The following KCND2 variants were observed in gnomAD, a reference collection of about 807,000 sequenced individuals.
The protein encoded by KCND2 is potassium voltage-gated channel subfamily D member 2, also known as A-type voltage-gated potassium channel KCND2.
A neutral mutation model predicts 54.4 loss-of-function variants in KCND2; 16 were observed. The ratio of observed to expected loss-of-function variants is 0.29; its 90% CI spans 0.20 to 0.45. The LOEUF is 0.45. Among genes scored for constraint, KCND2 ranks in the 20% least tolerant of loss-of-function variants. The pLI is 1.00. For synonymous variants in KCND2, 317 were observed against 310.7 expected (o/e 1.02, Z -0.21); for missense variants, 486 against 824.2 (o/e 0.59, Z 5.02).
At chr7:120,332,798 A>G (rs1800086935) in intron 1 of KCND2, among the ~76,000 whole-genome samples, 1 of 152,070 alleles carries the variant, frequency 6.6e-6, no homozygotes, top group African/African-American at 2.4e-5. Context: ...TTAATCAGTG[A>G]CCTACTTTTG....
intron 1 of KCND2, among the ~76,000 whole-genome samples, chr7:120,502,529 G>A (rs1802951618): frequency 1.3e-5 from 2 of 151,994 alleles, no homozygotes; most frequent in Admixed American, 1.3e-4. Flanking sequence ...CTAGTTGGTT[G>A]CTTACTCCTT....
At chr7:120,704,624 A>G (rs1216522970) in intron 1 of KCND2, among the ~76,000 whole-genome samples, 1 of 152,234 alleles carries the variant, frequency 6.6e-6, no homozygotes, top group Non-Finnish European at 1.5e-5. Context: ...GAAACACGTA[A>G]TAACAAGGGA....
At chr7:120,351,365 TACACACACACACACACAC>T (rs59756091) in intron 1 of KCND2, among the ~76,000 whole-genome samples, 18 of 94,762 alleles carry the variant, frequency 1.9e-4, no homozygotes, top group African/African-American at 5.5e-4. Context: ...TCGAAGAGCA[TACACACACACACACACAC>T]ACACACACAC....
At chr7:120,609,209 C>G (rs1584852588) in intron 1 of KCND2, among the ~76,000 whole-genome samples, 1 of 151,994 alleles carries the variant, frequency 6.6e-6, no homozygotes, top group Admixed American at 6.6e-5. Flanking sequence ...CCTACTAAGC[C>G]GAGGCAAACT....
chr7:120,722,604 A>T (rs1256910491), intron 1 of KCND2, among the ~76,000 whole-genome samples: 1 of 152,182 alleles, frequency 6.6e-6, no homozygotes, highest in African/African-American at 2.4e-5. Context: ...TAAAATATGT[A>T]TTAGGTCATT....
chr7:120,382,224 T>G (rs1800925776), intron 1 of KCND2, among the ~76,000 whole-genome samples: 1 of 151,788 alleles, frequency 6.6e-6, no homozygotes, highest in Non-Finnish European at 1.5e-5. Context: ...CACTTAATCT[T>G]CTCATTGTCT....
chr7:120,660,745 C>T (rs544117288), intron 1 of KCND2, among the ~76,000 whole-genome samples: 2 of 152,122 alleles, frequency 1.3e-5, no homozygotes, highest in African/African-American at 4.8e-5. Context: ...TCAAGGAATA[C>T]AGTGCTCTTG....
At chr7:120,680,756 A>G (rs924411159) in intron 1 of KCND2, among the ~76,000 whole-genome samples, 1 of 152,130 alleles carries the variant, frequency 6.6e-6, no homozygotes, top group Admixed American at 6.6e-5. Context: ...ATCCACTGCC[A>G]TAAAAATCCC....
chr7:120,698,582 A>G (rs1287275900), intron 1 of KCND2, among the ~76,000 whole-genome samples: 1 of 152,244 alleles, frequency 6.6e-6, no homozygotes, highest in Non-Finnish European at 1.5e-5. Flanking sequence ...GCTAGTCTAC[A>G]TACTATTTCA....
chr7:120,401,029 C>T (rs911674388), intron 1 of KCND2, among the ~76,000 whole-genome samples: 6 of 151,782 alleles, frequency 4.0e-5, no homozygotes, highest in Non-Finnish European at 5.9e-5. Context: ...GATTCTGTGC[C>T]TCTTAGATTT....
intron 1 of KCND2, among the ~76,000 whole-genome samples, chr7:120,303,857 A>G (rs968735334): frequency 1.3e-5 from 2 of 152,196 alleles, no homozygotes; most frequent in Non-Finnish European, 2.9e-5. Flanking sequence ...CAAAAAGCAC[A>G]GTGGGATCTT....
At chr7:120,411,141 G>A (rs1010643364) in intron 1 of KCND2, among the ~76,000 whole-genome samples, 1 of 151,908 alleles carries the variant, frequency 6.6e-6, no homozygotes, top group Admixed American at 6.6e-5. Context: ...TTACAGCAAT[G>A]TTTTGTCTTT....
At chr7:120,661,494 CA>C (rs1303929163) in intron 1 of KCND2, among the ~76,000 whole-genome samples, 1 of 151,844 alleles carries the variant, frequency 6.6e-6, no homozygotes, top group Non-Finnish European at 1.5e-5. Flanking sequence ...ACTAAAAATA[CA>C]AAAAATTAGC....
At chr7:120,648,089 TCTGTCCTCCTAAAAATAGGTTTTC>T (rs925109630) in intron 1 of KCND2, among the ~76,000 whole-genome samples, 7 of 152,196 alleles carry the variant, frequency 4.6e-5, no homozygotes, top group South Asian at 2.1e-4. Flanking sequence ...AATAGGTTTT[TCTGTCCTCCTAAAAATAGGTTTTC>T]CTGTCCTCCT....
At chr7:120,667,530 G>A (rs1271311857) in intron 1 of KCND2, among the ~76,000 whole-genome samples, 3 of 151,958 alleles carry the variant, frequency 2.0e-5, no homozygotes, top group African/African-American at 4.8e-5. Context: ...GGATCAGGTC[G>A]ATGCATGTAT....
chr7:120,439,612 A>G (rs904785500), intron 1 of KCND2, among the ~76,000 whole-genome samples: 3 of 151,988 alleles, frequency 2.0e-5, no homozygotes, highest in African/African-American at 4.8e-5. Flanking sequence ...TATTTCTTAC[A>G]TCTAGCTGTA....
At chr7:120,313,466 TA>T (rs1270806549) in intron 1 of KCND2, among the ~76,000 whole-genome samples, 2 of 152,196 alleles carry the variant, frequency 1.3e-5, no homozygotes, top group Non-Finnish European at 2.9e-5. Context: ...ATTAAAATTT[TA>T]AAACTACATT....
chr7:120,739,638 A>T (rs1256977842), intron 2 of KCND2, among the ~76,000 whole-genome samples: 1 of 152,026 alleles, frequency 6.6e-6, no homozygotes, highest in Non-Finnish European at 1.5e-5. Context: ...CAGGAAGAAT[A>T]AATTTAGGAA....
intron 1 of KCND2, among the ~76,000 whole-genome samples, chr7:120,315,632 C>T (rs1397433313): frequency 6.6e-6 from 1 of 151,946 alleles, no homozygotes; most frequent in Non-Finnish European, 1.5e-5. Flanking sequence ...CCCTAAAGCC[C>T]CCAGAAAGTC....
Sources: allele counts gnomAD v4.1 joint callset (sites outside exome capture counted in the v4.1 genomes callset), GRCh38; gene constraint gnomAD v4.1.1; transcripts MANE v1.5; gene names NCBI Gene and HGNC (gene_info 2026-07-23, HGNC 2026-07-21).